The following DLG2 variants were observed in gnomAD, a reference collection of about 807,000 sequenced individuals.
DLG2 encodes the protein disks large homolog 2.
DLG2 carries 45 observed loss-of-function variants against 132.5 expected under a neutral mutation model. The ratio of observed to expected loss-of-function variants is 0.34; its 90% CI spans 0.27 to 0.44. The LOEUF is 0.44. Among genes scored for constraint, DLG2 ranks in the 20% least tolerant of loss-of-function variants. DLG2 has a pLI of 1.00. For synonymous variants in DLG2, 424 were observed against 419.6 expected (o/e 1.01, Z -0.13); for missense variants, 1,045 against 1,196.9 (o/e 0.87, Z 1.87).
intron 7 of DLG2, among the ~76,000 whole-genome samples, chr11:84,400,864 A>G (rs1057216900): frequency 1.3e-5 from 2 of 152,110 alleles, no homozygotes; most frequent in Non-Finnish European, 2.9e-5. Context: ...AGACTATAGA[A>G]TTCTCATTCT....
At chr11:83,639,024 G>T (rs1203797626) in intron 18 of DLG2, among the ~76,000 whole-genome samples, 2 of 152,216 alleles carry the variant, frequency 1.3e-5, no homozygotes, top group Non-Finnish European at 2.9e-5. Flanking sequence ...AGGAGGCATT[G>T]CCTCCTGTGA....
intron 6 of DLG2, among the ~76,000 whole-genome samples, chr11:84,928,958 A>G (rs939721732): frequency 5.5e-4 from 29 of 52,866 alleles, no homozygotes; most frequent in South Asian, 8.0e-4. Context: ...ACTCTCTGAT[A>G]TGTGTGTGTG....
chr11:85,111,561 C>T, intron 6 of DLG2, 100 bp downstream of exon 6: 2 of 934,228 alleles, frequency 2.1e-6, no homozygotes, highest in South Asian at 4.4e-5. Context: ...TGCTTTACTC[C>T]AGAATTTCAG....
At chr11:85,080,460 T>G (rs939944049) in intron 6 of DLG2, among the ~76,000 whole-genome samples, 13 of 152,134 alleles carry the variant, frequency 8.5e-5, no homozygotes, top group African/African-American at 3.1e-4. Flanking sequence ...TAGAACAAAT[T>G]ATATTAATTT....
chr11:84,453,362 A>C (rs1189898103), intron 7 of DLG2, among the ~76,000 whole-genome samples: 1 of 151,708 alleles, frequency 6.6e-6, no homozygotes, highest in African/African-American at 2.4e-5. Context: ...AAGAGGGATA[A>C]GAAAGTTGAG....
intron 12 of DLG2, among the ~76,000 whole-genome samples, chr11:83,967,538 G>A (rs1349996758): frequency 6.6e-6 from 1 of 152,014 alleles, no homozygotes; most frequent in Non-Finnish European, 1.5e-5. Flanking sequence ...ATCTTCTTTG[G>A]AGAAATATTT....
chr11:83,577,066 T>C (rs2096884355), intron 19 of DLG2, among the ~76,000 whole-genome samples: 1 of 152,102 alleles, frequency 6.6e-6, no homozygotes, highest in Non-Finnish European at 1.5e-5. Flanking sequence ...CTTAATCTGG[T>C]AGGCACAATC....
intron 6 of DLG2, among the ~76,000 whole-genome samples, chr11:85,097,989 T>C (rs1364694207): frequency 6.6e-6 from 1 of 152,220 alleles, no homozygotes; most frequent in African/African-American, 2.4e-5. Context: ...AGGAAAGCCA[T>C]TCTTTAAAAA....
chr11:83,489,122 G>A (rs538723181), intron 21 of DLG2, among the ~76,000 whole-genome samples: 7 of 151,960 alleles, frequency 4.6e-5, no homozygotes, highest in South Asian at 2.1e-4. Context: ...GATGTTTCAC[G>A]CCTTCTGATA....
At chr11:83,790,729 A>T in intron 17 of DLG2, 1 of 776,436 alleles carries the variant, frequency 1.3e-6, no homozygotes, top group South Asian at 1.4e-5. Flanking sequence ...CCATTCATGG[A>T]CTGATCCACA....
intron 6 of DLG2, among the ~76,000 whole-genome samples, chr11:84,628,145 T>C (rs953171337): frequency 9.2e-5 from 14 of 151,618 alleles, no homozygotes; most frequent in South Asian, 6.2e-4. Flanking sequence ...GATATATATA[T>C]ACCCCCGAGG....
chr11:84,854,904 G>T (rs1214990614), intron 6 of DLG2, among the ~76,000 whole-genome samples: 3 of 151,994 alleles, frequency 2.0e-5, no homozygotes, highest in African/African-American at 7.2e-5. Flanking sequence ...CTCTCATTGA[G>T]AAGACTTAGC....
intron 6 of DLG2, among the ~76,000 whole-genome samples, chr11:84,637,576 G>A (rs1594522301): frequency 6.6e-6 from 1 of 152,326 alleles, no homozygotes; most frequent in East Asian, 1.9e-4. Context: ...AACTGCAGCT[G>A]CTTGGGATCT....
intron 10 of DLG2, among the ~76,000 whole-genome samples, chr11:84,094,506 C>T (rs182029497): frequency 3.8e-4 from 58 of 152,224 alleles, no homozygotes; most frequent in Non-Finnish European, 6.2e-4. Flanking sequence ...ATGTCTTAGT[C>T]TGTTGGGCTA....
chr11:84,308,652 G>C (rs2098254474), intron 7 of DLG2, among the ~76,000 whole-genome samples: 1 of 152,112 alleles, frequency 6.6e-6, no homozygotes, highest in Non-Finnish European at 1.5e-5. Context: ...CGGAGTGGGG[G>C]AGGCTCAGGC....
intron 6 of DLG2, among the ~76,000 whole-genome samples, chr11:84,668,162 T>C (rs929065190): frequency 6.6e-6 from 1 of 152,076 alleles, no homozygotes; most frequent in Admixed American, 6.5e-5. Flanking sequence ...GTACCCTTGA[T>C]AAATATTTGT....
At chr11:84,570,671 T>C (rs1249915229) in intron 6 of DLG2, among the ~76,000 whole-genome samples, 5 of 152,182 alleles carry the variant, frequency 3.3e-5, no homozygotes, top group African/African-American at 1.2e-4. Context: ...AGAGCCTAGA[T>C]CTGCCCTGAA....
At chr11:83,836,881 G>C (rs1595172764) in intron 16 of DLG2, among the ~76,000 whole-genome samples, 1 of 152,296 alleles carries the variant, frequency 6.6e-6, no homozygotes, top group South Asian at 2.1e-4. Flanking sequence ...GCAGCTGGGT[G>C]GGCATGGCAG....
At chr11:84,883,604 C>T (rs2087729660) in intron 6 of DLG2, among the ~76,000 whole-genome samples, 1 of 152,110 alleles carries the variant, frequency 6.6e-6, no homozygotes. Flanking sequence ...GACAATATCC[C>T]TTCACCTGTG....
Sources: gnomAD v4.1 joint callset for allele counts (sites outside exome capture counted in the v4.1 genomes callset) on GRCh38, gnomAD v4.1.1 for gene constraint, MANE v1.5 for transcripts, NCBI Gene and HGNC (gene_info 2026-07-23, HGNC 2026-07-21) for gene names.